Variants in CDH22 observed in about 807,000 individuals in gnomAD.
CDH22 encodes cadherin 22.
CDH22 carries 30 observed loss-of-function variants against 58.4 expected under a neutral mutation model. The ratio of observed to expected loss-of-function variants is 0.51; its 90% CI spans 0.38 to 0.70. The LOEUF (loss-of-function observed/expected upper bound fraction) is 0.70. Among genes scored for constraint, CDH22 ranks in the 30% least tolerant of loss-of-function variants. The pLI, the probability that CDH22 is intolerant of heterozygous loss-of-function variation, is 0.00. For synonymous variants in CDH22, 513 were observed against 558.2 expected (o/e 0.92, Z 1.14); for missense variants, 1,014 against 1,233.9 (o/e 0.82, Z 2.67).
chr20:46,225,891 ATACAAT>A (rs1044790052), intron 4 of CDH22, among the ~76,000 whole-genome samples: 1 of 152,132 alleles, frequency 6.6e-6, no homozygotes, highest in Non-Finnish European at 1.5e-5. Flanking sequence ...GTGTGAGAAA[ATACAAT>A]TACAACTGTG....
intron 11 of CDH22, among the ~76,000 whole-genome samples, chr20:46,175,574 A>C (rs1405928406): frequency 2.6e-5 from 4 of 152,176 alleles, no homozygotes; most frequent in Non-Finnish European, 5.9e-5. Context: ...TCTCAGGTCA[A>C]GGCCTGCAGG....
Position 46,174,612 on chromosome 20 carries a change from C to A in CDH22, c.2381G>T (p.Gly794Val). Residue 794 changes from glycine (G) to valine (V), a missense_variant, in exon 12 of 12, where the codon GGC (glycine) becomes GTC (valine). Physicochemically the swap from Gly to Val is moderately radical, Grantham distance 109. Coordinates refer to ENST00000537909, the MANE Select transcript of CDH22 (RefSeq NM_021248.3). This position sits in a 1 kb window ranked among gnomAD's most constrained non-coding sequence, Gnocchi z 4.4. ...SLSSLHSGSS[G>V]SEQDFAYLSS... ...GAGATAGGCGAAGTCCTGCTCGGAG[C>A]CCGACGAGCCGCTGTGCAGGGAGCT... is the stretch of plus-strand genomic sequence containing the variant. 6.5e-7 allele frequency: 1 copy of A among 1,539,434 alleles called. No individual in the cohort carries two copies. Among genetic ancestry groups the A allele is most frequent in the Middle Eastern group, 1.7e-4 (1 of 5,936 alleles).
At position 46,186,892 on chromosome 20, in the gene CDH22, G is replaced by A. The variant is rs904135551; in HGVS notation, c.1479C>T (p.Asn493=). 1.3e-5 allele frequency: 21 copies of A among 1,611,826 alleles called. No individual in the cohort carries two copies. The highest frequency in any genetic ancestry group is 1.2e-4 in the Admixed American group (7 of 59,708). ...GTGTGGCCAGTTCTGGGGGATTGTC[G>A]TTCACATCCAGGATTCGGATCCTTA... ...ASLRIRILDV[N]DNPPELATPY... Residue 493 remains asparagine (N), a synonymous_variant, in exon 9 of 12, where the codon AAC becomes AAT. Transcript: ENST00000537909.
chr20:46,252,798 G>A (rs2086386619), intron 1 of CDH22, among the ~76,000 whole-genome samples: 1 of 152,234 alleles, frequency 6.6e-6, no homozygotes, highest in African/African-American at 2.4e-5. Context: ...TAAATGCTAG[G>A]TGGCATATGA....
At chr20:46,301,254 T>C (rs1351669889) in intron 1 of CDH22, among the ~76,000 whole-genome samples, 1 of 152,050 alleles carries the variant, frequency 6.6e-6, no homozygotes, top group African/African-American at 2.4e-5. Context: ...CACTCTGTAT[T>C]AAATACTTCA....
intron 8 of CDH22, among the ~76,000 whole-genome samples, chr20:46,197,056 T>A (rs2085909028): frequency 6.6e-6 from 1 of 151,558 alleles, no homozygotes; most frequent in Non-Finnish European, 1.5e-5. Flanking sequence ...GTTACTGGGG[T>A]TGATGGATGG....
Position 46,213,045 on chromosome 20 carries a change from T to G in CDH22, c.982A>C (p.Lys328Gln). ...TGAGTGTCGCTGTCTGTGGTGACCT[T>G]GAACACATCGCCGCCGCTGCTGCTC... ...DESSSGGDVF[K>Q]VTTDSDTQEA... Residue 328 changes from lysine to glutamine, a missense_variant, in exon 6 of 12, where the codon AAG becomes CAG. Around this residue, in one of 2 missense-constraint regions of CDH22, gnomAD observed 806 missense variants for 1,038.7 expected, o/e 0.78. Coordinates refer to ENST00000537909, the MANE Select transcript of CDH22 (RefSeq NM_021248.3). 6.2e-7 allele frequency: 1 copy of G among 1,614,234 alleles called. No homozygotes were observed. The highest frequency in any genetic ancestry group is 8.5e-7 in the Non-Finnish European group (1 of 1,180,034).
At position 46,210,342 on chromosome 20, in the gene CDH22, C is replaced by G; in HGVS notation, c.1251G>C (p.Thr417=). ...AQVGSLVGVV[T]ARDPDAANRP... ...GGTTGGCGGCGTCGGGGTCCCGCGC[C>G]GTCACCACGCCGACCAGGGAGCCCA... Residue 417 remains threonine (T), a synonymous_variant, in exon 7 of 12, where the codon ACG becomes ACC. Transcript: ENST00000537909. This position sits in a 1 kb window ranked among gnomAD's most constrained non-coding sequence, Gnocchi z 4.5. 6.8e-7 allele frequency: 1 copy of G among 1,463,756 alleles called. No homozygotes were observed. Among genetic ancestry groups the G allele is most frequent in the Non-Finnish European group, 9.0e-7 (1 of 1,112,086 alleles). 90.7% of individuals were successfully genotyped at this position (1,463,756 alleles called of 1,614,324 possible). A position where few individuals can be genotyped will look rare whatever the true frequency, so the allele number is the denominator to read the frequency against.
intron 10 of CDH22, among the ~76,000 whole-genome samples, chr20:46,184,645 C>A (rs1242908590): frequency 1.3e-5 from 2 of 152,148 alleles, no homozygotes; most frequent in South Asian, 4.1e-4. Flanking sequence ...GGAGCAGACC[C>A]CGACACAGAG....
rs75390415 is a variant in CDH22 at position 46,221,752 on chromosome 20, A to T, written c.671-4759T>A. Among the ~76,000 whole-genome samples, 546 of 152,302 alleles carry T rather than the reference A, an allele frequency of 3.6e-3. 5 individuals carry two copies. Among genetic ancestry groups the T allele is most frequent in the African/African-American group, 0.013 (526 of 41,550 alleles). ...GAATTGATAACATATTTTCCTATCT[A>T]CTATGTTCCACTCCACTGTCTTCCT... is the stretch of plus-strand genomic sequence containing the variant. On this transcript the variant is annotated intron_variant, in intron 4 of 11. Coordinates refer to ENST00000537909, the MANE Select transcript of CDH22 (RefSeq NM_021248.3).
At chr20:46,211,259 C>T (rs377150783) in intron 6 of CDH22, among the ~76,000 whole-genome samples, 3 of 152,232 alleles carry the variant, frequency 2.0e-5, no homozygotes, top group Non-Finnish European at 4.4e-5. Flanking sequence ...AAAGCCATGT[C>T]GTGGAGCTGC....
At chr20:46,243,360 G>A (rs1015906742) in intron 2 of CDH22, among the ~76,000 whole-genome samples, 6 of 152,112 alleles carry the variant, frequency 3.9e-5, no homozygotes, top group African/African-American at 9.7e-5. Flanking sequence ...TCTTTTTGGC[G>A]AGTCTGCTGA....
intron 8 of CDH22, among the ~76,000 whole-genome samples, chr20:46,197,295 G>GATATATATATATATATATATATATATAT (rs34730995): frequency 4.0e-4 from 57 of 141,964 alleles, no homozygotes; most frequent in African/African-American, 5.9e-4. Context: ...TCTAGGCCAG[G>GATATATATATATATATATATATATATAT]ATATATATAT....
intron 8 of CDH22, among the ~76,000 whole-genome samples, chr20:46,198,444 T>C (rs762233163): frequency 2.6e-5 from 4 of 152,118 alleles, no homozygotes; most frequent in Non-Finnish European, 4.4e-5. Context: ...CTTCAGCCTG[T>C]ATCCCAAAGC....
intron 1 of CDH22, among the ~76,000 whole-genome samples, chr20:46,290,275 C>T (rs552567623): frequency 6.6e-6 from 1 of 152,172 alleles, no homozygotes; most frequent in Non-Finnish European, 1.5e-5. Flanking sequence ...CAGTTTTTCT[C>T]CACCAGGGGC....
intron 1 of CDH22, among the ~76,000 whole-genome samples, chr20:46,291,807 A>T (rs576490510): frequency 6.6e-6 from 1 of 152,336 alleles, no homozygotes; most frequent in East Asian, 1.9e-4. Flanking sequence ...ATGGCCTCAG[A>T]CTTCAGGGTT....
chr20:46,215,644 C>A (rs1348863924), intron 5 of CDH22, among the ~76,000 whole-genome samples: 1 of 152,020 alleles, frequency 6.6e-6, no homozygotes, highest in African/African-American at 2.4e-5. Context: ...TTTTTGTGTG[C>A]CATAGTTCAT....
At chr20:46,213,252 G>A in intron 5 of CDH22, 64 bp from the exon 6 acceptor site, 1 of 1,317,042 alleles carries the variant, frequency 7.6e-7, no homozygotes, top group Non-Finnish European at 1.1e-6. Context: ...TGCCAGCAGT[G>A]GGGGAGGGGA....
At chr20:46,259,332 G>A (rs1027453738) in intron 1 of CDH22, among the ~76,000 whole-genome samples, 1 of 152,134 alleles carries the variant, frequency 6.6e-6, no homozygotes, top group African/African-American at 2.4e-5. Context: ...TCTGTGCTGG[G>A]TCCCTGGCAA....
Sources: gnomAD v4.1 joint callset for allele counts (sites outside exome capture counted in the v4.1 genomes callset) on GRCh38, gnomAD v4.1.1 for gene constraint, gnomAD v4.1.1 regional missense constraint, Gnocchi (gnomAD v3.1) non-coding constraint, MANE v1.5 for transcripts, NCBI Gene and HGNC (gene_info 2026-07-23, HGNC 2026-07-21) for gene names.